The following GRID2 variants were observed in gnomAD, a reference collection of about 807,000 sequenced individuals.
GRID2 encodes the protein glutamate receptor ionotropic, delta-2.
A neutral mutation model predicts 114.8 loss-of-function variants in GRID2; 33 were observed. The observed-to-expected ratio is 0.29, with a 90% CI of 0.22 to 0.38. GRID2 has a LOEUF of 0.38. Ranked by LOEUF, GRID2 falls within the 10% of genes least tolerant of loss-of-function variation. The pLI is 1.00. For missense variants in GRID2, 1,184 were observed against 1,257.7 expected, an observed-to-expected ratio of 0.94 and a Z score of 0.89; for synonymous variants, 505 against 449.9, an observed-to-expected ratio of 1.12 and a Z score of -1.55.
chr4:93,052,400 G>A (rs1054354812), intron 2 of GRID2, among the ~76,000 whole-genome samples: 2 of 151,768 alleles, frequency 1.3e-5, no homozygotes, highest in African/African-American at 2.4e-5. Context: ...GTAGTTGTAG[G>A]AACAGTATAA....
At chr4:92,956,979 T>A (rs1338266843) in intron 2 of GRID2, among the ~76,000 whole-genome samples, 1 of 152,202 alleles carries the variant, frequency 6.6e-6, no homozygotes, top group Non-Finnish European at 1.5e-5. Context: ...TATCTTTTAA[T>A]GTATTTGGCT....
chr4:93,759,110 G>T (rs1408505735), intron 14 of GRID2, among the ~76,000 whole-genome samples: 1 of 151,948 alleles, frequency 6.6e-6, no homozygotes, highest in Non-Finnish European at 1.5e-5. Context: ...TGCCATTTCT[G>T]TAATGAGTGC....
intron 11 of GRID2, among the ~76,000 whole-genome samples, chr4:93,461,532 A>T (rs922281118): frequency 3.3e-5 from 5 of 152,134 alleles, no homozygotes; most frequent in African/African-American, 1.2e-4. Flanking sequence ...TATCAGACAG[A>T]TTTCTAAAAA....
In GRID2 at chr4:92,393,203, G is replaced by A. The variant is rs183862238; in HGVS notation, c.88+88459G>A. Among the ~76,000 whole-genome samples the A allele has an allele frequency of 7.1e-4, 108 of 152,096 alleles. 2 individuals carry two copies. The East Asian group carries it at 0.02, about 28-fold the overall frequency. On this transcript the variant is annotated intron_variant, in intron 1 of 15. Transcript: ENST00000282020. ...TATATAGGTAGGACCAATCCATGAG[G>A]GATCCACTCCTATGATTCAAAAACC...
chr4:92,326,388 T>G (rs575179801), intron 1 of GRID2, among the ~76,000 whole-genome samples: 1 of 152,060 alleles, frequency 6.6e-6, no homozygotes, highest in East Asian at 1.9e-4. Context: ...AAAGTATTTC[T>G]ATGGTGTATA....
intron 2 of GRID2, among the ~76,000 whole-genome samples, chr4:92,752,111 C>A (rs1240750183): frequency 1.3e-5 from 2 of 152,164 alleles, no homozygotes; most frequent in East Asian, 3.9e-4. Context: ...CTGAAGGATT[C>A]TGAGAGAAGT....
chr4:92,777,987 CT>C (rs1273824159), intron 2 of GRID2, among the ~76,000 whole-genome samples: 1 of 152,094 alleles, frequency 6.6e-6, no homozygotes, highest in African/African-American at 2.4e-5. Context: ...TGTAGAGTAA[CT>C]AATCAGTTTC....
At chr4:93,203,345 G>C (rs1226553601) in intron 4 of GRID2, among the ~76,000 whole-genome samples, 1 of 152,012 alleles carries the variant, frequency 6.6e-6, no homozygotes, top group Non-Finnish European at 1.5e-5. Flanking sequence ...AACACATGAT[G>C]TCACAATAAT....
rs1036602792 is a variant in GRID2 at position 93,313,408 on chromosome 4, T to G, written c.1245+74918T>G. Among the ~76,000 whole-genome samples, 4 of 152,178 alleles carry G rather than the reference T, an allele frequency of 2.6e-5. 1 individual carries two copies. Among genetic ancestry groups the G allele is most frequent in the Non-Finnish European group, 5.9e-5 (4 of 68,030 alleles). Reference sequence around the variant, plus strand: ...CACAGAACAAAACTTCCTGGAATAATGCCAGTTGAAATGACTAAGTGTGTC... The same window carrying G: ...CACAGAACAAAACTTCCTGGAATAAGGCCAGTTGAAATGACTAAGTGTGTC... On this transcript the variant is annotated intron_variant, in intron 8 of 15. Coordinates refer to ENST00000282020, the MANE Select transcript of GRID2 (RefSeq NM_001510.4).
intron 1 of GRID2, among the ~76,000 whole-genome samples, chr4:92,349,714 T>C (rs1391862455): frequency 2.6e-5 from 4 of 151,946 alleles, no homozygotes; most frequent in Admixed American, 2.6e-4. Flanking sequence ...TATTTTAATA[T>C]TTTGTATTCC....
intron 1 of GRID2, among the ~76,000 whole-genome samples, chr4:92,561,475 A>G (rs1341552011): frequency 6.6e-6 from 1 of 152,124 alleles, no homozygotes; most frequent in Non-Finnish European, 1.5e-5. Context: ...ATTCCAAAAT[A>G]TGCTTCTTTT....
intron 14 of GRID2, among the ~76,000 whole-genome samples, chr4:93,757,030 C>G (rs527479597): frequency 3.3e-5 from 5 of 152,244 alleles, no homozygotes; most frequent in African/African-American, 1.2e-4. Flanking sequence ...TTCTCAGGAA[C>G]ATTTTTGCAG....
chr4:92,329,383 G>C lies in GRID2; in HGVS notation c.88+24639G>C, dbSNP rs753737330. Among the ~76,000 whole-genome samples, 5 of 151,906 alleles carry C rather than the reference G, an allele frequency of 3.3e-5. No individual in the cohort carries two copies. In the East Asian group the frequency reaches 5.8e-4, roughly 18 times the overall value. ...TTATTTCCCTATTTTAGCTTCCCCAGAGTCATGCTGAATTGCATGAACTCA... is the reference window on the plus strand; with the variant it reads ...TTATTTCCCTATTTTAGCTTCCCCACAGTCATGCTGAATTGCATGAACTCA... On this transcript the variant is annotated intron_variant, in intron 1 of 15. Coordinates refer to ENST00000282020, the MANE Select transcript of GRID2 (RefSeq NM_001510.4).
At chr4:92,349,855 G>A (rs972505671) in intron 1 of GRID2, among the ~76,000 whole-genome samples, 1 of 151,772 alleles carries the variant, frequency 6.6e-6, no homozygotes, top group African/African-American at 2.4e-5. Flanking sequence ...TTTATTGTAA[G>A]CCAAACACTT....
At chr4:93,325,743 A>C (rs1560501604) in intron 8 of GRID2, among the ~76,000 whole-genome samples, 3 of 152,022 alleles carry the variant, frequency 2.0e-5, no homozygotes, top group Admixed American at 1.3e-4. Flanking sequence ...TTACTATATG[A>C]TCTTATCTGA....
At chr4:93,079,289 C>G (rs896660517) in intron 2 of GRID2, among the ~76,000 whole-genome samples, 6 of 152,014 alleles carry the variant, frequency 3.9e-5, no homozygotes, top group Admixed American at 3.3e-4. Flanking sequence ...TTTATAAACA[C>G]ATGGAGCTGA....
At chr4:92,381,007 CTCCAATATTATTTTT>C (rs1729595711) in intron 1 of GRID2, among the ~76,000 whole-genome samples, 1 of 151,890 alleles carries the variant, frequency 6.6e-6, no homozygotes, top group Non-Finnish European at 1.5e-5. Flanking sequence ...CCCCTTTTCC[CTCCAATATTATTTTT>C]TCCAATATTA....
intron 1 of GRID2, among the ~76,000 whole-genome samples, chr4:92,573,061 G>T (rs749144299): frequency 6.6e-6 from 1 of 151,974 alleles, no homozygotes; most frequent in Non-Finnish European, 1.5e-5. Context: ...GAGAGTGTAC[G>T]TTTCCAGGAA....
chr4:93,556,355 G>A (rs796713107), intron 13 of GRID2, among the ~76,000 whole-genome samples: 53 of 152,306 alleles, frequency 3.5e-4, no homozygotes, highest in African/African-American at 1.2e-3. Flanking sequence ...AACTAAGAAC[G>A]TTGAGTAAAC....
Sources: gnomAD v4.1 joint callset for allele counts (sites outside exome capture counted in the v4.1 genomes callset) on GRCh38, gnomAD v4.1.1 for gene constraint, MANE v1.5 for transcripts, NCBI Gene and HGNC (gene_info 2026-07-23, HGNC 2026-07-21) for gene names.